Variants in SOX6 observed in about 807,000 individuals in gnomAD.
The protein encoded by SOX6 is transcription factor SOX-6.
In SOX6, 11 loss-of-function variants were observed where a neutral mutation model predicts 97.8. The ratio of observed to expected loss-of-function variants is 0.11; its 90% CI spans 0.07 to 0.19. SOX6 has a LOEUF of 0.19. Among genes scored for constraint, SOX6 ranks in the 10% least tolerant of loss-of-function variants. The probability of loss-of-function intolerance (pLI) is 1.00; values close to 1 mark genes in which losing one functional copy is unlikely to be tolerated. For synonymous variants in SOX6, 360 were observed against 371.4 expected (o/e 0.97, Z 0.35); for missense variants, 810 against 1,039.5 (o/e 0.78, Z 3.04).
intron 12 of SOX6, among the ~76,000 whole-genome samples, chr11:16,020,267 T>A (rs202239647): frequency 6.6e-5 from 10 of 152,004 alleles, no homozygotes; most frequent in Non-Finnish European, 1.3e-4. Flanking sequence ...CTCAATGCCC[T>A]CCTGCCATCA....
intron 4 of SOX6, among the ~76,000 whole-genome samples, chr11:16,530,930 A>T (rs1404611188): frequency 6.7e-6 from 1 of 148,458 alleles, no homozygotes; most frequent in Non-Finnish European, 1.5e-5. Context: ...AACATATTTT[A>T]TATATATATA....
At chr11:16,056,328 T>C (rs1847814599) in intron 9 of SOX6, among the ~76,000 whole-genome samples, 1 of 152,160 alleles carries the variant, frequency 6.6e-6, no homozygotes, top group Non-Finnish European at 1.5e-5. Context: ...CTAAGGATTC[T>C]TGGAAGAACT....
intron 4 of SOX6, among the ~76,000 whole-genome samples, chr11:16,522,663 C>T (rs891881630): frequency 1.3e-5 from 2 of 152,012 alleles, no homozygotes; most frequent in Admixed American, 1.3e-4. Flanking sequence ...ACTAAATGCT[C>T]CAATTAAAAG....
chr11:16,452,007 T>TAAATAAATAAATA (rs1448775059), intron 1 of SOX6, among the ~76,000 whole-genome samples: 13 of 151,114 alleles, frequency 8.6e-5, no homozygotes, highest in South Asian at 2.1e-4. Flanking sequence ...AATAAATAAA[T>TAAATAAATAAATA]AAATAAAATA....
chr11:16,337,070 G>T (rs184102079), intron 2 of SOX6, among the ~76,000 whole-genome samples: 23 of 152,226 alleles, frequency 1.5e-4, no homozygotes, highest in Non-Finnish European at 2.1e-4. Flanking sequence ...TAGACTATAA[G>T]TTCTATGATA....
intron 3 of SOX6, among the ~76,000 whole-genome samples, chr11:16,670,355 C>T (rs1847838825): frequency 1.3e-5 from 2 of 152,114 alleles, no homozygotes; most frequent in Admixed American, 1.3e-4. Flanking sequence ...AGCAGACCTC[C>T]AAGCTCATAC....
intron 9 of SOX6, 103 bp downstream of exon 9, chr11:16,095,893 T>C: frequency 1.6e-6 from 2 of 1,267,184 alleles, no homozygotes; most frequent in Admixed American, 1.9e-5. Context: ...GTTCAGTGTT[T>C]AGGTTGAGTG....
intron 3 of SOX6, among the ~76,000 whole-genome samples, chr11:16,654,684 G>A (rs1210941174): frequency 6.6e-6 from 1 of 152,108 alleles, no homozygotes; most frequent in Non-Finnish European, 1.5e-5. Flanking sequence ...AGAAATTTTA[G>A]GCTAATACTT....
At chr11:16,053,420 C>A (rs1847732198) in intron 10 of SOX6, among the ~76,000 whole-genome samples, 1 of 152,052 alleles carries the variant, frequency 6.6e-6, no homozygotes, top group South Asian at 2.1e-4. Flanking sequence ...CAATCACAAC[C>A]ACTAAAACCA....
In SOX6 at chr11:16,702,967, C is replaced by T. The variant is rs142368055; in HGVS notation, n.429+11863G>A. 1.8e-3 allele frequency among the ~76,000 whole-genome samples: 276 copies of T among 149,242 alleles called. 1 individual carries two copies. The highest frequency in any genetic ancestry group is 5.0e-3 in the African/African-American group (204 of 40,828). On this transcript the variant is annotated intron_variant and non_coding_transcript_variant, in intron 3 of 5. Transcript: ENST00000524520. ...ATATGTATATATATATAAATTCTTCCCCACACATATCTTTAAGGAATACAT... is the reference window on the plus strand; with the variant it reads ...ATATGTATATATATATAAATTCTTCTCCACACATATCTTTAAGGAATACAT...
At chr11:16,654,325 T>C (rs1264422993) in intron 3 of SOX6, among the ~76,000 whole-genome samples, 1 of 152,146 alleles carries the variant, frequency 6.6e-6, no homozygotes, top group African/African-American at 2.4e-5. Flanking sequence ...CATACCGCCA[T>C]GCTTGGCTAA....
Position 15,969,764 on chromosome 11 carries a change from C to T in SOX6, c.*3045G>A, listed in dbSNP as rs1465986845. The T allele has an allele frequency of 2.0e-5, 3 of 152,116 alleles. No individual in the cohort carries two copies. Among genetic ancestry groups the T allele is most frequent in the Non-Finnish European group, 4.4e-5 (3 of 68,022 alleles). 9.4% of individuals were successfully genotyped at this position (152,116 alleles called of 1,614,324 possible). On this transcript the variant is annotated 3_prime_UTR_variant, in exon 16 of 16. Transcript: ENST00000683767. ...TAAAGTCATATAAACTTTGTTTAAG[C>T]CCCACTGAAAATAAAATGAATTGAT...
intron 6 of SOX6, among the ~76,000 whole-genome samples, chr11:16,117,593 G>A (rs762757985): frequency 1.3e-5 from 2 of 152,134 alleles, no homozygotes; most frequent in African/African-American, 4.8e-5. Context: ...CAAGAGCAAG[G>A]TAAGGGGAAA....
At chr11:16,685,642 T>A (rs534750219) in intron 3 of SOX6, among the ~76,000 whole-genome samples, 1 of 152,250 alleles carries the variant, frequency 6.6e-6, no homozygotes, top group African/African-American at 2.4e-5. Flanking sequence ...ACAGCTGCTC[T>A]CATGCACTAG....
intron 3 of SOX6, among the ~76,000 whole-genome samples, chr11:16,294,231 A>G (rs376117410): frequency 9.9e-5 from 15 of 152,216 alleles, no homozygotes; most frequent in African/African-American, 3.1e-4. Context: ...TCATCAGGCT[A>G]GAAAAATTGC....
chr11:16,168,748 G>A (rs905572301), intron 6 of SOX6, among the ~76,000 whole-genome samples: 2 of 152,106 alleles, frequency 1.3e-5, no homozygotes, highest in African/African-American at 2.4e-5. Flanking sequence ...GACACTTTCA[G>A]AAGTTATTTA....
intron 6 of SOX6, among the ~76,000 whole-genome samples, chr11:16,153,763 T>G (rs1249283187): frequency 2.0e-5 from 3 of 152,112 alleles, no homozygotes; most frequent in Non-Finnish European, 4.4e-5. Flanking sequence ...GAGACAGATA[T>G]GTGATCTCAA....
intron 3 of SOX6, among the ~76,000 whole-genome samples, chr11:16,268,506 G>A (rs796207655): frequency 3.3e-5 from 5 of 151,208 alleles, no homozygotes; most frequent in African/African-American, 9.7e-5. Context: ...ATGATGATAC[G>A]ATAGAGAAGA....
At chr11:16,570,161 T>C (rs948266529) in intron 4 of SOX6, among the ~76,000 whole-genome samples, 4 of 152,132 alleles carry the variant, frequency 2.6e-5, no homozygotes, top group South Asian at 4.1e-4. Context: ...TTTCTCATCT[T>C]GAAGGTACAG....
Sources: gnomAD v4.1 joint callset for allele counts (sites outside exome capture counted in the v4.1 genomes callset) on GRCh38, gnomAD v4.1.1 for gene constraint, MANE v1.5 for transcripts, NCBI Gene and HGNC (gene_info 2026-07-23, HGNC 2026-07-21) for gene names.